Variants in CDH4 observed in about 807,000 individuals in gnomAD.
CDH4 encodes the protein cadherin-4.
A neutral mutation model predicts 86.0 loss-of-function variants in CDH4; 33 were observed. The ratio of observed to expected loss-of-function variants is 0.38; its 90% CI spans 0.29 to 0.51. The LOEUF (loss-of-function observed/expected upper bound fraction) is 0.51, where lower values mean the gene tolerates loss of function less well. Ranked by LOEUF, CDH4 falls within the 20% of genes least tolerant of loss-of-function variation. The pLI, the probability that CDH4 is intolerant of heterozygous loss-of-function variation, is 0.86. For synonymous variants in CDH4, 555 were observed against 549.4 expected (o/e 1.01, Z -0.14); for missense variants, 1,114 against 1,307.4 (o/e 0.85, Z 2.28).
At position 61,709,151 on chromosome 20, in the gene CDH4, C is replaced by T. The variant is rs868672545; in HGVS notation, c.170-34412C>T. On this transcript the variant is annotated intron_variant, in intron 2 of 15. Transcript: ENST00000614565. This position sits in a 1 kb window ranked among gnomAD's most constrained non-coding sequence, Gnocchi z 4.8. ...GGCCGCCCAAATGATGAGCCCACAA[C>T]GCACCTGCCCCTCTCTCCAGGGGAG... 2.6e-5 allele frequency among the ~76,000 whole-genome samples: 4 copies of T among 152,232 alleles called. No homozygotes were observed. Among genetic ancestry groups the T allele is most frequent in the Admixed American group, 6.5e-5 (1 of 15,288 alleles).
chr20:61,652,938 A>T (rs56330400), intron 2 of CDH4, among the ~76,000 whole-genome samples: 4,482 of 92,478 alleles, frequency 0.048, 260 homozygotes, highest in African/African-American at 0.061. Context: ...TTATTTATTT[A>T]TTTTTTTTTT....
chr20:61,780,828 C>T (rs1978500817), intron 4 of CDH4, among the ~76,000 whole-genome samples: 1 of 152,200 alleles, frequency 6.6e-6, no homozygotes, highest in African/African-American at 2.4e-5. Context: ...CATCCCAGGC[C>T]TTGCCTCAAA....
intron 6 of CDH4, among the ~76,000 whole-genome samples, chr20:61,855,843 A>G (rs1982974763): frequency 6.6e-6 from 1 of 152,136 alleles, no homozygotes; most frequent in African/African-American, 2.4e-5. Context: ...ACCATTCCTG[A>G]GCTTTTCCAG....
chr20:61,299,294 C>T (rs2084373583), intron 2 of CDH4, among the ~76,000 whole-genome samples: 1 of 152,126 alleles, frequency 6.6e-6, no homozygotes, highest in Non-Finnish European at 1.5e-5. Flanking sequence ...TGCCACAGCC[C>T]CAGATGGTGA....
intron 4 of CDH4, among the ~76,000 whole-genome samples, chr20:61,808,687 AC>A (rs1980269109): frequency 6.6e-6 from 1 of 152,224 alleles, no homozygotes; most frequent in East Asian, 1.9e-4. Context: ...TGAGCCTGCA[AC>A]TGCCTTTCCA....
At chr20:61,565,237 T>C (rs1432212901) in intron 2 of CDH4, among the ~76,000 whole-genome samples, 6 of 65,864 alleles carry the variant, frequency 9.1e-5, no homozygotes, top group South Asian at 6.6e-4. Flanking sequence ...GTGGTGGTGG[T>C]GGTGGCGGTG....
At position 61,668,629 on chromosome 20, in the gene CDH4, A is replaced by G. The variant is rs537630577; in HGVS notation, c.170-74934A>G. 2.6e-5 allele frequency among the ~76,000 whole-genome samples: 4 copies of G among 152,300 alleles called. No individual in the cohort carries two copies. In the East Asian group the frequency reaches 7.7e-4, roughly 29 times the overall value. On this transcript the variant is annotated intron_variant, in intron 2 of 15. Coordinates refer to ENST00000614565, the MANE Select transcript of CDH4 (RefSeq NM_001794.5). ...ATTCCCCCAGCCCCATGAGAGAAAA[A>G]GAGACTGGGGTCAGAGAGGTGAAAT...
At chr20:61,369,699 C>T (rs2084829686) in intron 2 of CDH4, among the ~76,000 whole-genome samples, 1 of 150,552 alleles carries the variant, frequency 6.6e-6, no homozygotes, top group African/African-American at 2.4e-5. Context: ...TTCTGTAAAT[C>T]TAAAATTCTA....
intron 2 of CDH4, among the ~76,000 whole-genome samples, chr20:61,330,492 G>A (rs1230609058): frequency 1.3e-5 from 2 of 152,230 alleles, no homozygotes. Context: ...GTTGTCCCTT[G>A]TGATGGTTTG....
Position 61,358,805 on chromosome 20 carries a change from G to C in CDH4, c.169+103868G>C, listed in dbSNP as rs543010568. 3.3e-5 allele frequency among the ~76,000 whole-genome samples: 5 copies of C among 152,332 alleles called. No individual in the cohort carries two copies. In the East Asian group the frequency reaches 7.7e-4, roughly 24 times the overall value. On this transcript the variant is annotated intron_variant, in intron 2 of 15. Coordinates refer to ENST00000614565, the MANE Select transcript of CDH4 (RefSeq NM_001794.5). ...CCAGGGAACAGTCGCTTTAATGCGGGGGGGAAGGAGAGGAGACCTGCATGA... is the reference window on the plus strand; with the variant it reads ...CCAGGGAACAGTCGCTTTAATGCGGCGGGGAAGGAGAGGAGACCTGCATGA...
chr20:61,333,827 G>T (rs2123269124), intron 2 of CDH4, among the ~76,000 whole-genome samples: 1 of 152,368 alleles, frequency 6.6e-6, no homozygotes, highest in South Asian at 2.1e-4. Context: ...CACTCCACAT[G>T]GCTCTGGTGC....
At chr20:61,861,358 G>A (rs549768542) in intron 6 of CDH4, among the ~76,000 whole-genome samples, 52 of 152,260 alleles carry the variant, frequency 3.4e-4, no homozygotes, top group African/African-American at 1.1e-3. Flanking sequence ...TAAATGCCAC[G>A]ACAGCCCCAG....
chr20:61,922,241 T>A (rs1243475970), intron 9 of CDH4, among the ~76,000 whole-genome samples: 2 of 152,208 alleles, frequency 1.3e-5, no homozygotes, highest in African/African-American at 2.4e-5. Context: ...ATGTGTTGTG[T>A]TTTTTTCCAG....
At chr20:61,563,253 T>C (rs1309651435) in intron 2 of CDH4, among the ~76,000 whole-genome samples, 1 of 152,198 alleles carries the variant, frequency 6.6e-6, no homozygotes, top group African/African-American at 2.4e-5. Flanking sequence ...AGGAAAGCAA[T>C]GTGAAAGTAG....
rs1350769269 is a variant in CDH4 at position 61,480,093 on chromosome 20, C to T, written c.169+225156C>T. Among the ~76,000 whole-genome samples, 2 of 152,134 alleles carry T rather than the reference C, an allele frequency of 1.3e-5. No homozygotes were observed. Among genetic ancestry groups the T allele is most frequent in the Non-Finnish European group, 2.9e-5 (2 of 68,028 alleles). On this transcript the variant is annotated intron_variant, in intron 2 of 15. Coordinates refer to ENST00000614565, the MANE Select transcript of CDH4 (RefSeq NM_001794.5). The surrounding 1 kb of genome is among the most constrained non-coding windows in gnomAD (Gnocchi z 5.2). ...TTTCTTCTGCATTCTTCAACAAATACGGGATATAGGAATGGTAACTTTTTA... is the reference window on the plus strand; with the variant it reads ...TTTCTTCTGCATTCTTCAACAAATATGGGATATAGGAATGGTAACTTTTTA...
intron 4 of CDH4, among the ~76,000 whole-genome samples, chr20:61,816,862 C>T (rs745911059): frequency 7.2e-5 from 11 of 152,182 alleles, no homozygotes; most frequent in Non-Finnish European, 1.3e-4. Context: ...TCCCCCTGCC[C>T]GGTGGGGACG....
intron 2 of CDH4, among the ~76,000 whole-genome samples, chr20:61,469,663 T>C (rs2085491540): frequency 6.6e-6 from 1 of 152,164 alleles, no homozygotes; most frequent in Non-Finnish European, 1.5e-5. Flanking sequence ...GTTTCCCCAA[T>C]GTTTTCTTTT....
chr20:61,901,197 TGAGCAG>T (rs76046588), intron 8 of CDH4, among the ~76,000 whole-genome samples: 19 of 149,038 alleles, frequency 1.3e-4, no homozygotes, highest in African/African-American at 4.5e-4. Context: ...GGTATTGCAG[TGAGCAG>T]GAGCAGGAGC....
At chr20:61,565,202 GTCGCGGTGCTCTCGGTGGTA>G (rs1568688359) in intron 2 of CDH4, among the ~76,000 whole-genome samples, 5 of 42,264 alleles carry the variant, frequency 1.2e-4, no homozygotes, top group African/African-American at 2.3e-4. Flanking sequence ...CTTGGTGGTG[GTCGCGGTGCTCTCGGTGGTA>G]GGTGGTGGTG....
Sources: allele counts gnomAD v4.1 joint callset (sites outside exome capture counted in the v4.1 genomes callset), GRCh38; gene constraint gnomAD v4.1.1; non-coding constraint Gnocchi (gnomAD v3.1); transcripts MANE v1.5; gene names NCBI Gene and HGNC (gene_info 2026-07-23, HGNC 2026-07-21).